BRPF3: variants seen among roughly 807,000 people sequenced by gnomAD.
BRPF3 encodes the protein bromodomain and PHD finger-containing protein 3.
A neutral mutation model predicts 102.0 loss-of-function variants in BRPF3; 18 were observed. The observed-to-expected ratio is 0.18, with a 90% CI of 0.12 to 0.26. The LOEUF is 0.26. Among genes scored for constraint, BRPF3 ranks in the 10% least tolerant of loss-of-function variants. The pLI is 1.00. For synonymous variants in BRPF3, 570 were observed against 614.2 expected, an observed-to-expected ratio of 0.93 and a Z score of 1.06; for missense variants, 1,147 against 1,567.8, an observed-to-expected ratio of 0.73 and a Z score of 4.53.
In BRPF3 at chr6:36,210,294, C is replaced by T. The variant is rs139489461; in HGVS notation, c.1945C>T (p.Arg649Cys). The change falls in exon 6 of 13, where the codon CGC (arginine) becomes TGC (cysteine). Residue 649 changes from arginine to cysteine, a missense_variant. Physicochemically the swap from Arg to Cys is radical, Grantham distance 180. Around this residue, in one of 11 missense-constraint regions of BRPF3, gnomAD observed 109 missense variants for 175.1 expected, o/e 0.62. Coordinates refer to ENST00000357641, the MANE Select transcript of BRPF3 (RefSeq NM_015695.3). This position sits in a 1 kb window ranked among gnomAD's most constrained non-coding sequence, Gnocchi z 4.7. ...GCGGAAGCTGGAGTCCCACCTGTAC[C>T]GCACCTTGGAGGAGTTTGAGGAGGA... ...MRRKLESHLY[R>C]TLEEFEEDFN... 37 of 1,614,170 alleles carry T rather than the reference C, an allele frequency of 2.3e-5. No homozygotes were observed. The African/African-American group carries it at 2.5e-4, about 11-fold the overall frequency.
In BRPF3 at chr6:36,200,705, C is replaced by T; in HGVS notation, c.383C>T (p.Pro128Leu). The change falls in exon 2 of 13, where the codon CCA becomes CTA. Residue 128 changes from proline to leucine, a missense_variant. Physicochemically the swap from Pro to Leu is moderately conservative, Grantham distance 98. Around this residue, in one of 11 missense-constraint regions of BRPF3, gnomAD observed 221 missense variants for 337.1 expected, o/e 0.66. Coordinates refer to ENST00000357641, the MANE Select transcript of BRPF3 (RefSeq NM_015695.3). This position sits in a 1 kb window ranked among gnomAD's most constrained non-coding sequence, Gnocchi z 5.3. ...SFRMVDSGIQ[P>L]EAPPLPAAYY... ...CGTATGGTGGACTCAGGCATCCAGCCAGAAGCACCCCCGCTGCCTGCTGCC... is the reference window on the plus strand; with the variant it reads ...CGTATGGTGGACTCAGGCATCCAGCTAGAAGCACCCCCGCTGCCTGCTGCC... 6.2e-7 allele frequency: 1 copy of T among 1,614,166 alleles called. No homozygotes were observed. The highest frequency in any genetic ancestry group is 8.5e-7 in the Non-Finnish European group (1 of 1,180,002).
chr6:36,217,348 T>C (rs2052820240), intron 8 of BRPF3, among the ~76,000 whole-genome samples: 1 of 152,164 alleles, frequency 6.6e-6, no homozygotes, highest in African/African-American at 2.4e-5. Context: ...GCCCCCATCC[T>C]CACTTTGGAT....
chr6:36,215,538 T>C (rs757385649), intron 8 of BRPF3, among the ~76,000 whole-genome samples: 22 of 152,318 alleles, frequency 1.4e-4, no homozygotes, highest in Middle Eastern at 3.4e-3. Flanking sequence ...TCTCTCAAAA[T>C]GTAGAGAAAT....
rs143172103 is a variant in BRPF3, at chr6:36,221,115, T to G, written c.3084-1053T>G. Among the ~76,000 whole-genome samples the G allele has an allele frequency of 4.0e-3, 602 of 152,290 alleles. 4 individuals carry two copies. The highest frequency in any genetic ancestry group is 8.0e-3 in the Admixed American group (123 of 15,296). On this transcript the variant is annotated intron_variant, in intron 9 of 12. Transcript: ENST00000357641. ...TTTTGCCCAGAAGCTACGGTGTACA[T>G]TAGAATTGTATGGGGAACAATTTGA...
intron 7 of BRPF3, among the ~76,000 whole-genome samples, chr6:36,213,200 C>T (rs1259362614): frequency 6.6e-6 from 1 of 152,190 alleles, no homozygotes; most frequent in Non-Finnish European, 1.5e-5. Flanking sequence ...AAGCATGTGG[C>T]TTTCTTTGTG....
At chr6:36,197,247 C>T (rs892891626) in intron 1 of BRPF3, 2 of 152,332 alleles carry the variant, frequency 1.3e-5, no homozygotes, top group Non-Finnish European at 2.9e-5. Context: ...CCCGCCACGC[C>T]TTCCAATTGG....
intron 10 of BRPF3, among the ~76,000 whole-genome samples, chr6:36,223,909 C>T (rs543092418): frequency 6.6e-6 from 1 of 152,232 alleles, no homozygotes; most frequent in Admixed American, 6.5e-5. Context: ...AATTACATTC[C>T]ATAAGGATGG....
In BRPF3 at chr6:36,211,421, G is replaced by T; in HGVS notation, c.2343G>T (p.Lys781Asn). The change falls in exon 7 of 13, where the codon AAG becomes AAT. Residue 781 changes from lysine to asparagine, a missense_variant. This residue lies in a region of BRPF3 where 379 missense variants were observed against 426.3 expected (regional missense o/e 0.89). Transcript: ENST00000357641. ...LRREINALRQ[K>N]LAQPPPPQPP... Reference sequence around the variant, plus strand: ...GGGAGATCAATGCCCTTCGGCAGAAGCTGGCACAGCCACCACCACCACAGC... The same window carrying T: ...GGGAGATCAATGCCCTTCGGCAGAATCTGGCACAGCCACCACCACCACAGC... The T allele has an allele frequency of 6.2e-7, 1 of 1,612,798 alleles. No individual in the cohort carries two copies. Among genetic ancestry groups the T allele is most frequent in the Non-Finnish European group, 8.5e-7 (1 of 1,179,508 alleles).
At chr6:36,209,988 G>T in intron 5 of BRPF3, 73 bp downstream of exon 5, 4 of 1,584,044 alleles carry the variant, frequency 2.5e-6, no homozygotes, top group Non-Finnish European at 3.4e-6. Flanking sequence ...CTAGGAAGGA[G>T]TTGGGCCACA....
chr6:36,210,015 G>C lies in BRPF3; in HGVS notation c.1866+100G>C. On this transcript the variant is annotated intron_variant, in intron 5 of 12. Transcript: ENST00000357641. This position sits in a 1 kb window ranked among gnomAD's most constrained non-coding sequence, Gnocchi z 4.7. ...TGGGCCACAGGGTGTACAAAACCAG[G>C]GGTAGGAGGGTGGGTCTGGCAAAGC... 1 of 1,518,586 alleles carries C rather than the reference G, an allele frequency of 6.6e-7. No individual in the cohort carries two copies. The highest frequency in any genetic ancestry group is 9.0e-7 in the Non-Finnish European group (1 of 1,116,384). 94.1% of individuals were successfully genotyped at this position (1,518,586 alleles called of 1,614,324 possible). A position where few individuals can be genotyped will look rare whatever the true frequency, so the allele number is the denominator to read the frequency against.
At chr6:36,222,085 A>T (rs1768564322) in intron 9 of BRPF3, 83 bp from the exon 10 acceptor site, 7 of 1,345,548 alleles carry the variant, frequency 5.2e-6, no homozygotes, top group Non-Finnish European at 5.2e-6. Flanking sequence ...CTCCTGTCAG[A>T]GAGGGGAGAG....
Position 36,209,746 on chromosome 6 carries a change from A to T in BRPF3, c.1738-41A>T. ...AGAAAAAGTTTCAGTACATCTTTGC[A>T]GGGGATGTTCTGATCTGATCTCACC... On this transcript the variant is annotated intron_variant, in intron 4 of 12. Coordinates refer to ENST00000357641, the MANE Select transcript of BRPF3 (RefSeq NM_015695.3). 3.2e-6 allele frequency: 5 copies of T among 1,579,498 alleles called. No individual in the cohort carries two copies. In the South Asian group the frequency reaches 5.8e-5, roughly 18 times the overall value.
At position 36,200,240 on chromosome 6, in the gene BRPF3, G is replaced by A. The variant is rs1767644156; in HGVS notation, c.-26-57G>A. ...TTGGTGGATGCTTGATCATATGGGA[G>A]GATGAATGGGTGCATAAGGGCATCC... On this transcript the variant is annotated intron_variant, in intron 1 of 12. Coordinates refer to ENST00000357641, the MANE Select transcript of BRPF3 (RefSeq NM_015695.3). The surrounding 1 kb of genome is among the most constrained non-coding windows in gnomAD (Gnocchi z 5.3). The A allele has an allele frequency of 4.1e-6, 6 of 1,475,546 alleles. No homozygotes were observed. The highest frequency in any genetic ancestry group is 4.5e-6 in the Non-Finnish European group (5 of 1,116,214). The allele number at this position is 1,475,546 out of a possible 1,614,324, so 91.4% of individuals were successfully genotyped here. A position where few individuals can be genotyped will look rare whatever the true frequency, so the allele number is the denominator to read the frequency against.
Position 36,209,970 on chromosome 6 carries a change from T to A in BRPF3, c.1866+55T>A, listed in dbSNP as rs1447204926. On this transcript the variant is annotated intron_variant, in intron 5 of 12. Coordinates refer to ENST00000357641, the MANE Select transcript of BRPF3 (RefSeq NM_015695.3). ...ATTCTTCTTGAACTGGAACAGGGTC[T>A]GAGTAGGCTAGGAAGGAGTTGGGCC... 1.9e-6 allele frequency: 3 copies of A among 1,603,206 alleles called. No individual in the cohort carries two copies. In the African/African-American group the frequency reaches 4.0e-5, roughly 21 times the overall value.
At chr6:36,203,682 TC>T (rs879572509) in intron 2 of BRPF3, among the ~76,000 whole-genome samples, 9 of 152,214 alleles carry the variant, frequency 5.9e-5, no homozygotes, top group African/African-American at 1.4e-4. Context: ...GCTGTGCTTA[TC>T]TTTGTTTCAA....
Position 36,205,522 on chromosome 6 carries a change from GTCCACCTGC to G in BRPF3, c.1605+714_1605+722del, listed in dbSNP as rs1270737974. 3.9e-5 allele frequency among the ~76,000 whole-genome samples: 6 copies of G among 152,178 alleles called. No individual in the cohort carries two copies. In the South Asian group the frequency reaches 1.2e-3, roughly 32 times the overall value. ...TATCTGGCCCGCCTTGAACCTTTTG[GTCCACCTGC>G]TCCACTGAAGCCTCCCCTAAAACAT... On this transcript the variant is annotated intron_variant, in intron 3 of 12. Coordinates refer to ENST00000357641, the MANE Select transcript of BRPF3 (RefSeq NM_015695.3).
At position 36,222,026 on chromosome 6, in the gene BRPF3, T is replaced by A. The variant is rs1768562044; in HGVS notation, c.3084-142T>A. ...CAAAAACATGGGTTAGTGTGAGTTTTTAGGGGAAGGTGAGAAACTGTCCTC... is the reference window on the plus strand; with the variant it reads ...CAAAAACATGGGTTAGTGTGAGTTTATAGGGGAAGGTGAGAAACTGTCCTC... On this transcript the variant is annotated intron_variant, in intron 9 of 12. Transcript: ENST00000357641. The A allele has an allele frequency of 4.0e-6, 3 of 756,424 alleles. No homozygotes were observed. In the East Asian group the frequency reaches 8.2e-5, roughly 21 times the overall value. The allele number at this position is 756,424 out of a possible 1,614,324, so 46.9% of individuals were successfully genotyped here. A position where few individuals can be genotyped will look rare whatever the true frequency, so the allele number is the denominator to read the frequency against.
chr6:36,219,680 G>A (rs1473688760), intron 9 of BRPF3, among the ~76,000 whole-genome samples: 1 of 152,168 alleles, frequency 6.6e-6, no homozygotes, highest in East Asian at 1.9e-4. Flanking sequence ...GAGGAAGTAT[G>A]TATTAATATT....
intron 10 of BRPF3, 74 bp downstream of exon 10, chr6:36,222,339 G>T (rs1173984212): frequency 1.9e-5 from 26 of 1,399,618 alleles, no homozygotes; most frequent in South Asian, 2.5e-5. Flanking sequence ...CTGCTGCACT[G>T]CTGGGGCTCC....
Sources: gnomAD v4.1 joint callset for allele counts (sites outside exome capture counted in the v4.1 genomes callset) on GRCh38, gnomAD v4.1.1 for gene constraint, gnomAD v4.1.1 regional missense constraint, Gnocchi (gnomAD v3.1) non-coding constraint, MANE v1.5 for transcripts, NCBI Gene and HGNC (gene_info 2026-07-23, HGNC 2026-07-21) for gene names.